DNM3: variants seen among roughly 807,000 people sequenced by gnomAD.
DNM3 encodes the protein dynamin-3.
In DNM3, 47 loss-of-function variants were observed where a neutral mutation model predicts 101.6. The ratio of observed to expected loss-of-function variants is 0.46; its 90% CI spans 0.37 to 0.59. The LOEUF is 0.59. Among genes scored for constraint, DNM3 ranks in the 20% least tolerant of loss-of-function variants. The pLI is 0.00. For missense variants in DNM3, 849 were observed against 1,085.7 expected (o/e 0.78, Z 3.06); for synonymous variants, 385 against 387.9 (o/e 0.99, Z 0.09).
Position 172,165,729 on chromosome 1 carries a change from A to G in DNM3, c.1659+34441A>G, listed in dbSNP as rs77249051. Among the ~76,000 whole-genome samples, 223 of 152,170 alleles carry G rather than the reference A, an allele frequency of 1.5e-3. 5 individuals carry two copies. The East Asian group carries it at 0.039, about 27-fold the overall frequency. ...GTAATACTTTATTCCTCTGTGACAAATGTTGCATAGAAATCTTTAATGCTT... is the reference window on the plus strand; with the variant it reads ...GTAATACTTTATTCCTCTGTGACAAGTGTTGCATAGAAATCTTTAATGCTT... On this transcript the variant is annotated intron_variant, in intron 14 of 20. Coordinates refer to ENST00000627582, the MANE Select transcript of DNM3 (RefSeq NM_015569.5).
rs2071091982 is a variant in DNM3, at chr1:172,409,549, A to G, written c.*1708A>G. On this transcript the variant is annotated 3_prime_UTR_variant, in exon 21 of 21. Coordinates refer to ENST00000627582, the MANE Select transcript of DNM3 (RefSeq NM_015569.5). ...TTACCAGTGATTGTATAAAAACATC[A>G]CAATCCTAAATCCTCTCGTATCTCA... 3 of 985,132 alleles carry G rather than the reference A, an allele frequency of 3.0e-6. No homozygotes were observed. The highest frequency in any genetic ancestry group is 3.6e-6 in the Non-Finnish European group (3 of 829,664). 61.0% of individuals were successfully genotyped at this position (985,132 alleles called of 1,614,324 possible). A position where few individuals can be genotyped will look rare whatever the true frequency, so the allele number is the denominator to read the frequency against.
chr1:172,139,589 G>A (rs2057453964), intron 14 of DNM3: 1 of 152,364 alleles, frequency 6.6e-6, no homozygotes, highest in South Asian at 2.1e-4. Context: ...ATTAAAGGCA[G>A]TTGTGAGCTT....
At chr1:172,033,589 T>C (rs2048764063) in intron 6 of DNM3, among the ~76,000 whole-genome samples, 1 of 152,150 alleles carries the variant, frequency 6.6e-6, no homozygotes, top group South Asian at 2.1e-4. Flanking sequence ...TTTTATAGCT[T>C]TGAAAAGTTG....
chr1:172,057,231 A>C (rs1187479392), intron 10 of DNM3, among the ~76,000 whole-genome samples: 1 of 152,228 alleles, frequency 6.6e-6, no homozygotes, highest in African/African-American at 2.4e-5. Flanking sequence ...GTGTACCTGA[A>C]AGTGACGGGG....
chr1:171,846,432 C>G (rs1571219726), intron 1 of DNM3, among the ~76,000 whole-genome samples: 2 of 152,100 alleles, frequency 1.3e-5, no homozygotes, highest in Admixed American at 6.5e-5. Context: ...CACCCAGAAC[C>G]TTGGAGGAAT....
chr1:171,923,152 A>G (rs1029392922), intron 2 of DNM3, among the ~76,000 whole-genome samples: 1 of 152,188 alleles, frequency 6.6e-6, no homozygotes. Flanking sequence ...GCCCCATTTT[A>G]CATTCCTACC....
chr1:171,900,356 G>A (rs2038200586), intron 1 of DNM3, among the ~76,000 whole-genome samples: 1 of 152,028 alleles, frequency 6.6e-6, no homozygotes, highest in Non-Finnish European at 1.5e-5. Flanking sequence ...TGAAACCACC[G>A]AGGGGGAGAA....
intron 14 of DNM3, among the ~76,000 whole-genome samples, chr1:172,191,605 G>A: frequency 6.6e-6 from 1 of 152,148 alleles, no homozygotes; most frequent in East Asian, 1.9e-4. Context: ...ATTACCTTGG[G>A]CAGTATGGCC....
intron 1 of DNM3, among the ~76,000 whole-genome samples, chr1:171,909,963 G>A (rs767895367): frequency 1.3e-5 from 2 of 152,240 alleles, no homozygotes; most frequent in South Asian, 2.1e-4. Flanking sequence ...GATGCCAGGG[G>A]GTTCATTTTA....
At chr1:171,889,989 C>T (rs898158658) in intron 1 of DNM3, among the ~76,000 whole-genome samples, 1 of 151,952 alleles carries the variant, frequency 6.6e-6, no homozygotes, top group Non-Finnish European at 1.5e-5. Flanking sequence ...TTGCTCTCAC[C>T]AAGATTTACC....
chr1:172,350,202 C>T (rs544568077), intron 17 of DNM3, among the ~76,000 whole-genome samples: 1 of 152,086 alleles, frequency 6.6e-6, no homozygotes, highest in Non-Finnish European at 1.5e-5. Flanking sequence ...ATGAAAGTCA[C>T]CTTCTGGGTG....
At chr1:172,117,517 A>AT (rs919778688) in intron 13 of DNM3, among the ~76,000 whole-genome samples, 3 of 151,576 alleles carry the variant, frequency 2.0e-5, no homozygotes, top group African/African-American at 7.3e-5. Flanking sequence ...CTTCTTCCTC[A>AT]TTTTTTTCTC....
intron 14 of DNM3, among the ~76,000 whole-genome samples, chr1:172,175,345 A>T (rs1473352362): frequency 6.6e-6 from 1 of 151,776 alleles, no homozygotes; most frequent in African/African-American, 2.4e-5. Context: ...AAGTAAACTG[A>T]TATAGCAGGG....
chr1:172,093,728 A>G, intron 13 of DNM3: 2 of 1,608,282 alleles, frequency 1.2e-6, no homozygotes, highest in South Asian at 1.1e-5. Context: ...GGCAAATTGT[A>G]CGAGCTAAGT....
intron 14 of DNM3, among the ~76,000 whole-genome samples, chr1:172,241,390 G>A (rs544208515): frequency 2.6e-5 from 4 of 152,046 alleles, no homozygotes; most frequent in South Asian, 2.1e-4. Flanking sequence ...CTCTTATTAT[G>A]TGGGAAGTAT....
chr1:172,174,659 C>T (rs1354849553), intron 14 of DNM3, among the ~76,000 whole-genome samples: 1 of 151,596 alleles, frequency 6.6e-6, no homozygotes, highest in Non-Finnish European at 1.5e-5. Context: ...TCAGAAAAAG[C>T]ATGCAACATA....
At chr1:172,260,853 G>A (rs180793897) in intron 15 of DNM3, among the ~76,000 whole-genome samples, 2 of 151,942 alleles carry the variant, frequency 1.3e-5, no homozygotes, top group Non-Finnish European at 2.9e-5. Context: ...TTTCCATGAT[G>A]CCCCTTCTTG....
At chr1:171,847,081 G>C (rs1459989996) in intron 1 of DNM3, among the ~76,000 whole-genome samples, 1 of 152,102 alleles carries the variant, frequency 6.6e-6, no homozygotes, top group Admixed American at 6.6e-5. Context: ...CAATGAACAT[G>C]TATTTATTGA....
chr1:172,184,669 T>TA (rs1159703542), intron 14 of DNM3, among the ~76,000 whole-genome samples: 1 of 152,134 alleles, frequency 6.6e-6, no homozygotes, highest in Non-Finnish European at 1.5e-5. Context: ...CTGGGATGTG[T>TA]AAGCCCAGGA....
Sources: allele counts gnomAD v4.1 joint callset (sites outside exome capture counted in the v4.1 genomes callset), GRCh38; gene constraint gnomAD v4.1.1; transcripts MANE v1.5; gene names NCBI Gene and HGNC (gene_info 2026-07-23, HGNC 2026-07-21).